SFMBT2: variants seen among roughly 807,000 people sequenced by gnomAD.
The protein encoded by SFMBT2 is Scm like with four mbt domains 2, also known as scm-like with four MBT domains protein 2.
Under a neutral mutation model 110.1 loss-of-function variants are expected in SFMBT2, and 38 were observed. That is an observed-to-expected ratio of 0.35 (90% confidence interval 0.27 to 0.45). The LOEUF (loss-of-function observed/expected upper bound fraction) is 0.45. Ranked by LOEUF, SFMBT2 falls within the 20% of genes least tolerant of loss-of-function variation. The pLI is 1.00. For missense variants in SFMBT2, 1,011 were observed against 1,094.9 expected (o/e 0.92, Z 1.08); for synonymous variants, 425 against 425.4 (o/e 1.00, Z 0.01).
At chr10:7,254,063 G>A (rs533169460) in intron 7 of SFMBT2, among the ~76,000 whole-genome samples, 8 of 152,254 alleles carry the variant, frequency 5.3e-5, no homozygotes, top group African/African-American at 1.9e-4. Context: ...CTGGCCATTG[G>A]AGAACTTTAA....
chr10:7,310,521 T>A (rs1168431188), intron 4 of SFMBT2, among the ~76,000 whole-genome samples: 5 of 152,234 alleles, frequency 3.3e-5, no homozygotes, highest in Admixed American at 6.5e-5. Context: ...CCATTCTCTA[T>A]CTGTTCTAAT....
At chr10:7,200,359 T>C in intron 14 of SFMBT2, 55 bp downstream of exon 14, 1 of 1,378,080 alleles carries the variant, frequency 7.3e-7, no homozygotes, top group South Asian at 1.6e-5. Context: ...TACATGTCTC[T>C]GCTCCCGGCT....
At chr10:7,313,227 A>G (rs912832521) in intron 4 of SFMBT2, among the ~76,000 whole-genome samples, 3 of 151,010 alleles carry the variant, frequency 2.0e-5, no homozygotes, top group Admixed American at 1.3e-4. Context: ...TATAATAAAT[A>G]TAATACAATT....
At chr10:7,245,966 T>G (rs959465882) in intron 8 of SFMBT2, among the ~76,000 whole-genome samples, 3 of 152,214 alleles carry the variant, frequency 2.0e-5, no homozygotes, top group African/African-American at 7.2e-5. Flanking sequence ...CAAAGTACTT[T>G]CCTCATATTT....
At chr10:7,192,326 G>A (rs951740291) in intron 15 of SFMBT2, among the ~76,000 whole-genome samples, 6 of 152,118 alleles carry the variant, frequency 3.9e-5, no homozygotes, top group African/African-American at 4.8e-5. Context: ...TCCTCAATAC[G>A]AGATCGTCAT....
intron 4 of SFMBT2, among the ~76,000 whole-genome samples, chr10:7,352,838 T>C (rs1260118398): frequency 6.6e-6 from 1 of 152,042 alleles, no homozygotes; most frequent in Non-Finnish European, 1.5e-5. Context: ...GGTGAAACCC[T>C]GTCTCTACTA....
intron 4 of SFMBT2, among the ~76,000 whole-genome samples, chr10:7,310,841 T>C (rs934785822): frequency 4.0e-5 from 6 of 150,974 alleles, no homozygotes; most frequent in Non-Finnish European, 8.9e-5. Context: ...AGGTCAGGAG[T>C]TCGAGACCAG....
rs1326074057 is a variant in SFMBT2 at position 7,163,942 on chromosome 10, G to A, written c.2545-32C>T. 1 of 1,605,290 alleles carries A rather than the reference G, an allele frequency of 6.2e-7. No homozygotes were observed. Among genetic ancestry groups the A allele is most frequent in the Non-Finnish European group, 8.5e-7 (1 of 1,175,422 alleles). Reference sequence around the variant, plus strand: ...GAAAAGAAAGGCAGGTTAGAGAAGGGGCAGTGTGCACTGGGGTACACAGAT... The same window carrying A: ...GAAAAGAAAGGCAGGTTAGAGAAGGAGCAGTGTGCACTGGGGTACACAGAT... On this transcript the variant is annotated intron_variant, in intron 20 of 20. Coordinates refer to ENST00000397167, the MANE Select transcript of SFMBT2 (RefSeq NM_001387889.1). This position sits in a 1 kb window ranked among gnomAD's most constrained non-coding sequence, Gnocchi z 4.8.
chr10:7,360,798 G>C (rs1034128910), intron 4 of SFMBT2, among the ~76,000 whole-genome samples: 13 of 152,156 alleles, frequency 8.5e-5, no homozygotes, highest in Non-Finnish European at 1.9e-4. Context: ...CTCTCTACTT[G>C]ATCAGATAGA....
At chr10:7,400,608 G>C (rs1564476430) in intron 1 of SFMBT2, among the ~76,000 whole-genome samples, 1 of 152,244 alleles carries the variant, frequency 6.6e-6, no homozygotes, top group Non-Finnish European at 1.5e-5. Context: ...GCTCCTCCAG[G>C]CCGTCAGGCC....
chr10:7,187,201 A>G (rs1419396246), intron 16 of SFMBT2, among the ~76,000 whole-genome samples: 2 of 152,164 alleles, frequency 1.3e-5, no homozygotes, highest in Non-Finnish European at 2.9e-5. Context: ...TACTTTTATT[A>G]TATCTGTGTC....
At chr10:7,336,806 C>A (rs138100283) in intron 4 of SFMBT2, among the ~76,000 whole-genome samples, 1 of 152,094 alleles carries the variant, frequency 6.6e-6, no homozygotes, top group Non-Finnish European at 1.5e-5. Context: ...GAGTTTCACA[C>A]TAAGAGAACT....
intron 1 of SFMBT2, among the ~76,000 whole-genome samples, chr10:7,404,493 A>G (rs1846161393): frequency 2.0e-5 from 3 of 152,192 alleles, no homozygotes; most frequent in Admixed American, 2.0e-4. Flanking sequence ...CTTCTCCCCC[A>G]TGTCCCACAC....
chr10:7,329,638 G>T, intron 4 of SFMBT2: 1 of 377,688 alleles, frequency 2.6e-6, no homozygotes, highest in Non-Finnish European at 3.6e-6. Context: ...CAGCAAGGCA[G>T]GCTCGTCTCT....
chr10:7,265,738 A>C (rs1402421239), intron 7 of SFMBT2, among the ~76,000 whole-genome samples: 2 of 152,134 alleles, frequency 1.3e-5, no homozygotes, highest in Admixed American at 6.5e-5. Context: ...TGCTTAATTT[A>C]AGTTATAGTG....
At position 7,160,886 on chromosome 10, in the gene SFMBT2, G is replaced by C. The variant is rs1000090588; in HGVS notation, c.*2884C>G. ...CTCAGAAGGACACTGGCAACAGCTG[G>C]AGGAAAAGCACCTCCTGGGTCCTAA... is the stretch of plus-strand genomic sequence containing the variant. On this transcript the variant is annotated 3_prime_UTR_variant, in exon 21 of 21. Transcript: ENST00000397167. The C allele has an allele frequency of 1.3e-5, 2 of 152,278 alleles. No homozygotes were observed. The highest frequency in any genetic ancestry group is 4.8e-5 in the African/African-American group (2 of 41,460). 9.4% of individuals were successfully genotyped at this position (152,278 alleles called of 1,614,324 possible).
At chr10:7,210,444 C>A (rs999337957) in intron 11 of SFMBT2, among the ~76,000 whole-genome samples, 1 of 152,160 alleles carries the variant, frequency 6.6e-6, no homozygotes, top group African/African-American at 2.4e-5. Flanking sequence ...AGGGAGGCTA[C>A]AAGCCCACCA....
intron 12 of SFMBT2, chr10:7,205,256 T>C (rs1254280751): frequency 1.1e-5 from 3 of 263,324 alleles, no homozygotes; most frequent in Admixed American, 6.5e-5. Flanking sequence ...TACTTATATA[T>C]GTACTTCTTT....
At chr10:7,320,122 C>A (rs1843140699) in intron 4 of SFMBT2, among the ~76,000 whole-genome samples, 1 of 152,148 alleles carries the variant, frequency 6.6e-6, no homozygotes, top group Non-Finnish European at 1.5e-5. Flanking sequence ...CAGAGAAAGT[C>A]AAAGCTTGAC....
Sources: gnomAD v4.1 joint callset for allele counts (sites outside exome capture counted in the v4.1 genomes callset) on GRCh38, gnomAD v4.1.1 for gene constraint, Gnocchi (gnomAD v3.1) non-coding constraint, MANE v1.5 for transcripts, NCBI Gene and HGNC (gene_info 2026-07-23, HGNC 2026-07-21) for gene names.